Variants in COG5 observed in about 807,000 individuals in gnomAD.
COG5 encodes conserved oligomeric Golgi complex subunit 5.
A neutral mutation model predicts 110.4 loss-of-function variants in COG5; 86 were observed. That is an observed-to-expected ratio of 0.78 (90% CI 0.65 to 0.93). COG5 has a LOEUF of 0.93. COG5 is among the 40% of genes least tolerant of loss of function. COG5 has a pLI of 0.00. For missense variants in COG5, 1,077 were observed against 987.0 expected (o/e 1.09, Z -1.22); for synonymous variants, 360 against 334.6 (o/e 1.08, Z -0.83).
intron 17 of COG5, among the ~76,000 whole-genome samples, chr7:107,245,797 T>C (rs1456556404): frequency 1.3e-5 from 2 of 152,152 alleles, no homozygotes; most frequent in Admixed American, 1.3e-4. Flanking sequence ...CCCAAAGCAA[T>C]CTTCAGATTC....
At chr7:107,401,840 C>T (rs1303659324) in intron 7 of COG5, among the ~76,000 whole-genome samples, 1 of 152,128 alleles carries the variant, frequency 6.6e-6, no homozygotes, top group Admixed American at 6.5e-5. Context: ...AGGAAAACAT[C>T]CCAAAACAAT....
chr7:107,554,235 C>T lies in COG5; in HGVS notation c.292+50G>A, dbSNP rs751755340. On this transcript the variant is annotated intron_variant, in intron 3 of 21. Transcript: ENST00000297135. ...TCCAAAGTAGCTTGCCAAAGCTTGC[C>T]AATCCCTGGTCTAGCTCTACATAAT... 3 of 1,552,198 alleles carry T rather than the reference C, an allele frequency of 1.9e-6. No homozygotes were observed. The East Asian group carries it at 6.7e-5, about 35-fold the overall frequency.
chr7:107,533,107 A>G lies in COG5; in HGVS notation c.418-5750T>C, dbSNP rs1053466818. On this transcript the variant is annotated intron_variant, in intron 5 of 21. Transcript: ENST00000297135. ...GGCCTGACTGTTAGAAGAAAAACTA[A>G]TAAACTGAAAGCAATAGCATCAACA... Among the ~76,000 whole-genome samples the G allele has an allele frequency of 9.9e-5, 15 of 151,636 alleles. 1 individual carries two copies. Among genetic ancestry groups the G allele is most frequent in the African/African-American group, 3.7e-4 (15 of 40,898 alleles).
In COG5 at chr7:107,203,429, G is replaced by C. The variant is rs983934927; in HGVS notation, c.*87C>G. 1.2e-6 allele frequency: 1 copy of C among 853,968 alleles called. No homozygotes were observed. The highest frequency in any genetic ancestry group is 2.0e-6 in the Non-Finnish European group (1 of 490,988). 52.9% of individuals were successfully genotyped at this position (853,968 alleles called of 1,614,324 possible). On this transcript the variant is annotated 3_prime_UTR_variant, in exon 22 of 22. Coordinates refer to ENST00000297135, the MANE Select transcript of COG5 (RefSeq NM_006348.5). Reference sequence around the variant, plus strand: ...AATCAATTACATTCTTAAAATAGTAGATAGTAGCAGTCTTTTGGAGTATGT... The same window carrying C: ...AATCAATTACATTCTTAAAATAGTACATAGTAGCAGTCTTTTGGAGTATGT...
intron 5 of COG5, among the ~76,000 whole-genome samples, chr7:107,534,678 A>AG (rs895240971): frequency 1.3e-5 from 2 of 151,178 alleles, no homozygotes; most frequent in African/African-American, 4.9e-5. Flanking sequence ...CCAAGTTCTT[A>AG]GAGATCTACA....
chr7:107,323,502 G>C (rs1356528614), intron 11 of COG5, among the ~76,000 whole-genome samples: 1 of 152,204 alleles, frequency 6.6e-6, no homozygotes, highest in Non-Finnish European at 1.5e-5. Context: ...CTGCACTCCA[G>C]CCTGGGTGAC....
chr7:107,305,947 A>G (rs934997647), intron 11 of COG5, among the ~76,000 whole-genome samples: 2 of 152,142 alleles, frequency 1.3e-5, no homozygotes, highest in African/African-American at 4.8e-5. Flanking sequence ...ATTTAAGAAG[A>G]AAAGATTACA....
intron 6 of COG5, among the ~76,000 whole-genome samples, chr7:107,413,766 A>C (rs1792489429): frequency 6.6e-6 from 1 of 152,210 alleles, no homozygotes; most frequent in Non-Finnish European, 1.5e-5. Flanking sequence ...ACAATGACTA[A>C]CATTTTTGAA....
At chr7:107,370,361 C>A (rs1814027387) in intron 8 of COG5, among the ~76,000 whole-genome samples, 1 of 152,116 alleles carries the variant, frequency 6.6e-6, no homozygotes, top group Non-Finnish European at 1.5e-5. Flanking sequence ...CTGGAAGTTA[C>A]TGACCTCATG....
At chr7:107,284,900 C>G (rs1805498497) in intron 12 of COG5, among the ~76,000 whole-genome samples, 1 of 152,172 alleles carries the variant, frequency 6.6e-6, no homozygotes, top group Non-Finnish European at 1.5e-5. Context: ...AATTTTCCTT[C>G]ATCTAAAAAG....
chr7:107,354,919 G>T (rs569144440), intron 10 of COG5, among the ~76,000 whole-genome samples: 1 of 152,214 alleles, frequency 6.6e-6, no homozygotes, highest in South Asian at 2.1e-4. Flanking sequence ...ACATTGTCCT[G>T]CCCTTGACAC....
intron 5 of COG5, among the ~76,000 whole-genome samples, chr7:107,546,265 G>C (rs1322854436): frequency 6.6e-6 from 1 of 151,938 alleles, no homozygotes; most frequent in African/African-American, 2.4e-5. Context: ...CATCAAAAAA[G>C]ATTTCAAATA....
intron 1 of COG5, among the ~76,000 whole-genome samples, chr7:107,561,411 G>C (rs1053819600): frequency 6.6e-6 from 1 of 152,178 alleles, no homozygotes. Flanking sequence ...GAACTGACAA[G>C]TATCTACAGG....
At chr7:107,520,494 C>T (rs1030339663) in intron 6 of COG5, among the ~76,000 whole-genome samples, 15 of 152,080 alleles carry the variant, frequency 9.9e-5, no homozygotes, top group African/African-American at 3.6e-4. Context: ...TTCCTATACA[C>T]CAACAACAGG....
At chr7:107,436,826 AAGACGC>A (rs1458188645) in intron 6 of COG5, among the ~76,000 whole-genome samples, 1 of 152,216 alleles carries the variant, frequency 6.6e-6, no homozygotes, top group Admixed American at 6.5e-5. Flanking sequence ...AAATGTCATC[AAGACGC>A]AGTGTGCCTT....
At chr7:107,461,999 C>T (rs1381499427) in intron 6 of COG5, among the ~76,000 whole-genome samples, 1 of 152,072 alleles carries the variant, frequency 6.6e-6, no homozygotes, top group Non-Finnish European at 1.5e-5. Context: ...AATTAAAATC[C>T]CAGCTTCCAT....
In COG5 at chr7:107,324,470, G is replaced by A. The variant is rs762031095; in HGVS notation, c.1078C>T (p.Leu360Phe). ...GTTGCCATATGAAATTGAGAAGAAA[G>A]TGCCTGAGTAACTGAATTCCAAAAT... ...YTFWNSVTQA[L>F]SSQFHMATNS... Residue 360 changes from leucine to phenylalanine, a missense_variant, in exon 11 of 22, where the codon CTT (leucine) becomes TTT (phenylalanine). By Grantham distance (22) the Leu-to-Phe change is conservative. Transcript: ENST00000297135. 6.2e-7 allele frequency: 1 copy of A among 1,605,464 alleles called. No individual in the cohort carries two copies. The highest frequency in any genetic ancestry group is 1.7e-5 in the Admixed American group (1 of 59,798).
intron 7 of COG5, among the ~76,000 whole-genome samples, chr7:107,380,057 G>A (rs1418649480): frequency 2.6e-5 from 4 of 152,176 alleles, no homozygotes; most frequent in South Asian, 4.2e-4. Context: ...GCAAAAGAAC[G>A]GAAATCCTAA....
At chr7:107,267,820 T>C (rs560523190) in intron 14 of COG5, among the ~76,000 whole-genome samples, 8 of 152,144 alleles carry the variant, frequency 5.3e-5, no homozygotes, top group Non-Finnish European at 8.8e-5. Flanking sequence ...CTTTGGGAGG[T>C]TGAGGTGGGA....
Sources: gnomAD v4.1 joint callset for allele counts (sites outside exome capture counted in the v4.1 genomes callset) on GRCh38, gnomAD v4.1.1 for gene constraint, MANE v1.5 for transcripts, NCBI Gene and HGNC (gene_info 2026-07-23, HGNC 2026-07-21) for gene names.